Variants in FUT8 observed in about 807,000 individuals in gnomAD.
The protein encoded by FUT8 is fucosyltransferase 8, also known as alpha-(1,6)-fucosyltransferase.
In FUT8, 29 loss-of-function variants were observed where a neutral mutation model predicts 71.3. That is an observed-to-expected ratio of 0.41 (90% confidence interval 0.30 to 0.55). The LOEUF (loss-of-function observed/expected upper bound fraction) is 0.55, where lower values mean the gene tolerates loss of function less well. FUT8 is among the 20% of genes least tolerant of loss of function. The probability of loss-of-function intolerance (pLI) is 0.34; values close to 1 mark genes in which losing one functional copy is unlikely to be tolerated. For missense variants in FUT8, 544 were observed against 702.1 expected (o/e 0.77, Z 2.55); for synonymous variants, 254 against 239.3 (o/e 1.06, Z -0.57).
chr14:65,466,112 A>G (rs2066040781), intron 2 of FUT8, among the ~76,000 whole-genome samples: 1 of 152,142 alleles, frequency 6.6e-6, no homozygotes, highest in East Asian at 1.9e-4. Context: ...TCTTTTGATT[A>G]GGTTTAGCAT....
chr14:65,579,036 A>G (rs1228182727), intron 3 of FUT8, among the ~76,000 whole-genome samples: 1 of 152,172 alleles, frequency 6.6e-6, no homozygotes, highest in Non-Finnish European at 1.5e-5. Context: ...GCAAATAAAG[A>G]CAAAAGGGAC....
At chr14:65,468,183 G>A (rs891870819) in intron 2 of FUT8, 30 of 635,238 alleles carry the variant, frequency 4.7e-5, no homozygotes, top group Admixed American at 2.5e-4. Flanking sequence ...GATAACACTC[G>A]CGGAGCATTC....
At chr14:65,622,528 A>T (rs1342542115) in intron 5 of FUT8, among the ~76,000 whole-genome samples, 1 of 152,204 alleles carries the variant, frequency 6.6e-6, no homozygotes, top group Non-Finnish European at 1.5e-5. Context: ...CCAAAGTAAC[A>T]TAATTGTTGT....
chr14:65,395,565 C>T, the FUT8 span, among the ~76,000 whole-genome samples: 6 of 152,242 alleles, frequency 3.9e-5, no homozygotes, highest in African/African-American at 1.4e-4. Context: ...CCGAGCCATA[C>T]CTTGTCCCCT....
intron 1 of FUT8, among the ~76,000 whole-genome samples, chr14:65,442,722 GC>G (rs2065680069): frequency 6.6e-6 from 1 of 151,540 alleles, no homozygotes; most frequent in East Asian, 2.0e-4. Context: ...TGTGATCCCA[GC>G]TACTTGGGAC....
chr14:65,658,331 T>C (rs1566879839), intron 6 of FUT8, among the ~76,000 whole-genome samples: 2 of 152,268 alleles, frequency 1.3e-5, no homozygotes, highest in African/African-American at 4.8e-5. Context: ...CTTTCATGCA[T>C]TGCTTATGAG....
chr14:65,704,444 A>G (rs572376774), intron 7 of FUT8, among the ~76,000 whole-genome samples: 71 of 151,812 alleles, frequency 4.7e-4, no homozygotes, highest in African/African-American at 1.6e-3. Flanking sequence ...TTCTGTTCCT[A>G]TATTCTTGTT....
chr14:65,484,224 C>G (rs2066375075), intron 2 of FUT8, among the ~76,000 whole-genome samples: 1 of 152,152 alleles, frequency 6.6e-6, no homozygotes, highest in South Asian at 2.1e-4. Context: ...AATAAAAAGA[C>G]AATCCTTTTA....
chr14:65,652,271 G>A lies in FUT8; in HGVS notation c.598-16972G>A, dbSNP rs1199793146. ...GAAAGGCCAGATACTCGCTTTCCTA[G>A]CACCCTCCCTGTTTTGTATGCCCTC... On this transcript the variant is annotated intron_variant, in intron 6 of 10. Coordinates refer to ENST00000673929, the MANE Select transcript of FUT8 (RefSeq NM_001371533.1). This position sits in a 1 kb window ranked among gnomAD's most constrained non-coding sequence, Gnocchi z 4.0. Among the ~76,000 whole-genome samples the A allele has an allele frequency of 6.6e-6, 1 of 152,172 alleles. No homozygotes were observed. The highest frequency in any genetic ancestry group is 2.4e-5 in the African/African-American group (1 of 41,444).
At chr14:65,571,040 T>A (rs1029363397) in intron 3 of FUT8, among the ~76,000 whole-genome samples, 2 of 152,146 alleles carry the variant, frequency 1.3e-5, no homozygotes, top group African/African-American at 2.4e-5. Context: ...TGTCTATAAA[T>A]CTTCTTCCAC....
chr14:65,497,902 G>A (rs945378062), intron 2 of FUT8, among the ~76,000 whole-genome samples: 7 of 152,068 alleles, frequency 4.6e-5, no homozygotes, highest in African/African-American at 1.7e-4. Context: ...GTGCTGTTAT[G>A]AAGCTAGGTG....
chr14:65,455,773 G>T, intron 2 of FUT8, 55 bp downstream of exon 2: 1 of 396,992 alleles, frequency 2.5e-6, no homozygotes, highest in South Asian at 1.3e-4. Flanking sequence ...TTAATATTTT[G>T]AGAAATAGAT....
At chr14:65,541,984 T>TA (rs1884703210) in intron 2 of FUT8, among the ~76,000 whole-genome samples, 1 of 152,200 alleles carries the variant, frequency 6.6e-6, no homozygotes, top group Non-Finnish European at 1.5e-5. Context: ...TTCTGCTACT[T>TA]ACTGGCTTTA....
At chr14:65,445,712 T>G (rs1048206179) in intron 1 of FUT8, among the ~76,000 whole-genome samples, 1 of 152,270 alleles carries the variant, frequency 6.6e-6, no homozygotes, top group African/African-American at 2.4e-5. Context: ...GTATAAATAC[T>G]GTCTAATGTT....
chr14:65,691,497 CT>C (rs1893588056), intron 7 of FUT8, among the ~76,000 whole-genome samples: 1 of 144,882 alleles, frequency 6.9e-6, no homozygotes, highest in Non-Finnish European at 1.5e-5. Flanking sequence ...TATTTATCTC[CT>C]TTAGCCTGTT....
Position 65,430,722 on chromosome 14 carries a change from ATAAT to A in FUT8, c.-326+17512_-326+17515del, listed in dbSNP as rs541304733. 1.7e-3 allele frequency among the ~76,000 whole-genome samples: 253 copies of A among 152,370 alleles called. 1 individual carries two copies. Among genetic ancestry groups the A allele is most frequent in the Non-Finnish European group, 2.3e-3 (157 of 68,042 alleles). ...CTAGAACCACATTAAAGCAGGAAGA[ATAAT>A]TAAAAGTTTTGTAACATAGCAAAGA... On this transcript the variant is annotated intron_variant, in intron 1 of 10. Coordinates refer to ENST00000673929, the MANE Select transcript of FUT8 (RefSeq NM_001371533.1).
At chr14:65,366,369 T>A in the FUT8 span, among the ~76,000 whole-genome samples, 2 of 152,216 alleles carry the variant, frequency 1.3e-5, no homozygotes, top group South Asian at 4.1e-4. Flanking sequence ...GAGACTTAAA[T>A]GGACCAGACT....
the FUT8 span, among the ~76,000 whole-genome samples, chr14:65,374,544 G>A: frequency 6.6e-6 from 1 of 152,036 alleles, no homozygotes; most frequent in African/African-American, 2.4e-5. Flanking sequence ...CCCAAAGACA[G>A]CTGGACTAGT....
intron 2 of FUT8, among the ~76,000 whole-genome samples, chr14:65,539,132 C>G (rs554250482): frequency 6.6e-6 from 1 of 152,144 alleles, no homozygotes; most frequent in Non-Finnish European, 1.5e-5. Flanking sequence ...CATACACTTG[C>G]CAAAACTGCT....
Sources: allele counts gnomAD v4.1 joint callset (sites outside exome capture counted in the v4.1 genomes callset), GRCh38; gene constraint gnomAD v4.1.1; non-coding constraint Gnocchi (gnomAD v3.1); transcripts MANE v1.5; gene names NCBI Gene and HGNC (gene_info 2026-07-23, HGNC 2026-07-21).